Variants in NRXN1 observed in about 807,000 individuals in gnomAD.
The protein encoded by NRXN1 is neurexin 1.
Under a neutral mutation model 150.9 loss-of-function variants are expected in NRXN1, and 39 were observed. The observed-to-expected ratio is 0.26, with a 90% CI of 0.20 to 0.34. The LOEUF is 0.34. Among genes scored for constraint, NRXN1 ranks in the 10% least tolerant of loss-of-function variants. The pLI is 1.00. For synonymous variants in NRXN1, 924 were observed against 757.0 expected, an observed-to-expected ratio of 1.22 and a Z score of -3.62; for missense variants, 1,815 against 1,949.9, an observed-to-expected ratio of 0.93 and a Z score of 1.30.
intron 18 of NRXN1, among the ~76,000 whole-genome samples, chr2:50,163,704 A>C (rs542941752): frequency 6.6e-6 from 1 of 152,310 alleles, no homozygotes; most frequent in South Asian, 2.1e-4. Flanking sequence ...CTGAATGTTT[A>C]AAAGTCCAGT....
intron 2 of NRXN1, among the ~76,000 whole-genome samples, chr2:50,964,264 T>C (rs1693692142): frequency 6.6e-6 from 1 of 151,472 alleles, no homozygotes; most frequent in Non-Finnish European, 1.5e-5. Context: ...CAAGTAGTAT[T>C]TTATTCTTGG....
rs559497544 is a variant in NRXN1 at position 49,943,605 on chromosome 2, G to A, written c.4216+99C>T. On this transcript the variant is annotated intron_variant, in intron 22 of 22. Coordinates refer to ENST00000401669, the MANE Select transcript of NRXN1 (RefSeq NM_001330078.2). ...TCACAATCAACGATGGTATAGGAGGGTAGCCTTCTATACATGAATATAAGG... is the reference window on the plus strand; with the variant it reads ...TCACAATCAACGATGGTATAGGAGGATAGCCTTCTATACATGAATATAAGG... 5.2e-5 allele frequency: 40 copies of A among 776,402 alleles called. No individual in the cohort carries two copies. In the African/African-American group the frequency reaches 6.8e-4, roughly 13 times the overall value. 48.1% of individuals were successfully genotyped at this position (776,402 alleles called of 1,614,324 possible).
At chr2:50,059,761 G>A (rs922238952) in intron 19 of NRXN1, among the ~76,000 whole-genome samples, 5 of 152,200 alleles carry the variant, frequency 3.3e-5, no homozygotes, top group Non-Finnish European at 5.9e-5. Flanking sequence ...TACAGCTCAG[G>A]TCGTTGCTTC....
intron 21 of NRXN1, among the ~76,000 whole-genome samples, chr2:49,987,022 C>T (rs1262261689): frequency 1.3e-5 from 2 of 151,928 alleles, no homozygotes; most frequent in Non-Finnish European, 2.9e-5. Flanking sequence ...CCACTGCGTT[C>T]CAGCTTGGCT....
chr2:50,008,089 A>C (rs2152541640), intron 21 of NRXN1, among the ~76,000 whole-genome samples: 1 of 152,294 alleles, frequency 6.6e-6, no homozygotes, highest in Non-Finnish European at 1.5e-5. Context: ...AAGAGAGACA[A>C]GATTATTTAT....
At chr2:50,595,574 A>G (rs758686129) in intron 8 of NRXN1, among the ~76,000 whole-genome samples, 1 of 152,142 alleles carries the variant, frequency 6.6e-6, no homozygotes, top group African/African-American at 2.4e-5. Context: ...ATTTGAGGCT[A>G]TGAGTGTGGC....
At chr2:50,843,719 G>T (rs898486605) in intron 5 of NRXN1, among the ~76,000 whole-genome samples, 2 of 152,034 alleles carry the variant, frequency 1.3e-5, no homozygotes, top group Non-Finnish European at 2.9e-5. Context: ...ACTATTCTAG[G>T]AGAGCCATGC....
chr2:50,912,526 T>C (rs2104119795), intron 5 of NRXN1, among the ~76,000 whole-genome samples: 2 of 152,064 alleles, frequency 1.3e-5, no homozygotes, highest in East Asian at 3.9e-4. Flanking sequence ...ACACAGGGAA[T>C]TGATGACATG....
chr2:50,938,144 G>C (rs1688821785), intron 2 of NRXN1, among the ~76,000 whole-genome samples: 1 of 151,974 alleles, frequency 6.6e-6, no homozygotes, highest in Admixed American at 6.6e-5. Context: ...AGTTACTCTG[G>C]GCAAGTCAGA....
intron 21 of NRXN1, among the ~76,000 whole-genome samples, chr2:50,045,845 T>C (rs1014461975): frequency 6.6e-6 from 1 of 152,188 alleles, no homozygotes; most frequent in Non-Finnish European, 1.5e-5. Flanking sequence ...ACAGACTTCA[T>C]TCAATATCTC....
At chr2:50,484,827 A>G (rs1026241548) in intron 15 of NRXN1, among the ~76,000 whole-genome samples, 4 of 152,238 alleles carry the variant, frequency 2.6e-5, no homozygotes, top group African/African-American at 7.2e-5. Context: ...GGAATTTTCA[A>G]TGTTATACAA....
chr2:50,555,696 T>C (rs1668131704), intron 8 of NRXN1, among the ~76,000 whole-genome samples: 2 of 152,180 alleles, frequency 1.3e-5, no homozygotes. Flanking sequence ...TTATAGGCTT[T>C]TGTAAATAAC....
At position 50,081,340 on chromosome 2, in the gene NRXN1, G is replaced by A. The variant is rs539467912; in HGVS notation, c.3718+9983C>T. Among the ~76,000 whole-genome samples the A allele has an allele frequency of 1.9e-4, 29 of 152,230 alleles. No homozygotes were observed. In the South Asian group the frequency reaches 5.8e-3, roughly 30 times the overall value. On this transcript the variant is annotated intron_variant, in intron 19 of 22. Transcript: ENST00000401669. ...ATGCCTGTAATCCCAGCACTTTGGG[G>A]GGCTGAGGCGGGTGGATCACGAGGT...
chr2:50,107,078 AAGAGAGCTTGATG>A (rs1008028529), intron 18 of NRXN1, among the ~76,000 whole-genome samples: 1 of 152,022 alleles, frequency 6.6e-6, no homozygotes, highest in Non-Finnish European at 1.5e-5. Flanking sequence ...ATACACAAAA[AAGAGAGCTTGATG>A]ACCACCTAAA....
intron 18 of NRXN1, among the ~76,000 whole-genome samples, chr2:50,193,401 AC>A (rs1299053864): frequency 6.6e-6 from 1 of 152,164 alleles, no homozygotes; most frequent in Non-Finnish European, 1.5e-5. Flanking sequence ...TTTTTACCAA[AC>A]AAAGCTGCTG....
chr2:50,296,723 C>T (rs887932862), intron 17 of NRXN1, among the ~76,000 whole-genome samples: 1 of 151,950 alleles, frequency 6.6e-6, no homozygotes, highest in African/African-American at 2.4e-5. Flanking sequence ...CCACCTCAGA[C>T]TCTGAAAGTG....
chr2:50,010,510 G>T (rs1178961689), intron 21 of NRXN1, among the ~76,000 whole-genome samples: 1 of 152,060 alleles, frequency 6.6e-6, no homozygotes, highest in African/African-American at 2.4e-5. Flanking sequence ...ATAACTCTAA[G>T]AAAATGCCCT....
intron 18 of NRXN1, among the ~76,000 whole-genome samples, chr2:50,101,701 T>C (rs552214121): frequency 3.9e-5 from 6 of 152,158 alleles, no homozygotes; most frequent in Non-Finnish European, 8.8e-5. Flanking sequence ...CTTCCATTGA[T>C]ATAAGCCATA....
chr2:50,352,257 G>A (rs1255341081), intron 17 of NRXN1, among the ~76,000 whole-genome samples: 2 of 152,072 alleles, frequency 1.3e-5, no homozygotes, highest in Non-Finnish European at 2.9e-5. Flanking sequence ...GTGGAAGAGG[G>A]AGATTCTGGA....
Sources: allele counts gnomAD v4.1 joint callset (sites outside exome capture counted in the v4.1 genomes callset), GRCh38; gene constraint gnomAD v4.1.1; transcripts MANE v1.5; gene names NCBI Gene and HGNC (gene_info 2026-07-23, HGNC 2026-07-21).